Variants in RCOR1 observed in about 807,000 individuals in gnomAD.
RCOR1 encodes REST corepressor.
Under a neutral mutation model 64.0 loss-of-function variants are expected in RCOR1, and 12 were observed. That is an observed-to-expected ratio of 0.19 (90% confidence interval 0.12 to 0.30). The LOEUF is 0.30. RCOR1 is among the 10% of genes least tolerant of loss of function. The pLI is 1.00. For synonymous variants in RCOR1, 279 were observed against 227.2 expected (o/e 1.23, Z -2.05); for missense variants, 502 against 621.2 (o/e 0.81, Z 2.04).
chr14:102,611,119 G>T (rs924668448), intron 2 of RCOR1, among the ~76,000 whole-genome samples: 25 of 152,050 alleles, frequency 1.6e-4, no homozygotes, highest in African/African-American at 6.0e-4. Context: ...GCCCAGACTG[G>T]AGTGGAATGG....
chr14:102,637,237 C>G (rs1039044791), intron 2 of RCOR1, among the ~76,000 whole-genome samples: 172 of 151,426 alleles, frequency 1.1e-3, no homozygotes, highest in African/African-American at 3.8e-3. Flanking sequence ...AGCGATTCTC[C>G]TGCCTCAGCC....
At chr14:102,606,627 G>GTT (rs1307882389) in intron 2 of RCOR1, among the ~76,000 whole-genome samples, 29 of 139,362 alleles carry the variant, frequency 2.1e-4, no homozygotes, top group South Asian at 2.3e-4. Flanking sequence ...CAGGTTTTAA[G>GTT]TTTTTTTTTT....
chr14:102,697,425 A>G (rs1595235351), intron 3 of RCOR1, among the ~76,000 whole-genome samples: 1 of 152,286 alleles, frequency 6.6e-6, no homozygotes, highest in South Asian at 2.1e-4. Flanking sequence ...GGGACAGGAA[A>G]CCTCATATGT....
chr14:102,701,279 G>A lies in RCOR1; in HGVS notation c.447G>A (p.Leu149=). The A allele has an allele frequency of 6.2e-7, 1 of 1,612,474 alleles. No individual in the cohort carries two copies. The highest frequency in any genetic ancestry group is 2.2e-5 in the East Asian group (1 of 44,820). The stretch of plus-strand genomic sequence containing the variant: ...ATGGCATCTCTTCTTGTTTTTCAGT[G>A]GATGAATACATTGCCATTGCCAAAG... ...SPNQNLSEAK[L]DEYIAIAKEK... is the part of the protein sequence containing the mutation. Residue 149 remains leucine (L), a splice_region_variant and synonymous_variant, in exon 4 of 12, where the codon TTG becomes TTA. Coordinates refer to ENST00000262241, the MANE Select transcript of RCOR1 (RefSeq NM_015156.4).
At chr14:102,718,782 G>T (rs1045461149) in intron 8 of RCOR1, among the ~76,000 whole-genome samples, 2 of 152,046 alleles carry the variant, frequency 1.3e-5, no homozygotes, top group African/African-American at 4.8e-5. Flanking sequence ...TTTGGCGGGG[G>T]GAAGGGGGCG....
intron 2 of RCOR1, 118 bp downstream of exon 2, chr14:102,593,443 C>T (rs898779565): frequency 1.8e-6 from 2 of 1,096,418 alleles, no homozygotes; most frequent in Non-Finnish European, 2.4e-6. Context: ...GCCCTGCCGT[C>T]CGTGGGGAGA....
chr14:102,635,361 G>T (rs541091821), intron 2 of RCOR1, among the ~76,000 whole-genome samples: 1 of 152,026 alleles, frequency 6.6e-6, no homozygotes, highest in Non-Finnish European at 1.5e-5. Flanking sequence ...AAAAGTAGCC[G>T]GGTGTCATGG....
At chr14:102,695,291 A>G (rs1895620924) in intron 3 of RCOR1, 1 of 152,250 alleles carries the variant, frequency 6.6e-6, no homozygotes, top group African/African-American at 2.4e-5. Context: ...TAGATACAGT[A>G]TGTTGATTAG....
chr14:102,644,828 C>G (rs538119753), intron 2 of RCOR1, among the ~76,000 whole-genome samples: 13 of 152,316 alleles, frequency 8.5e-5, no homozygotes, highest in South Asian at 4.1e-4. Context: ...GTTACCAATT[C>G]CTTGATTTGG....
intron 2 of RCOR1, among the ~76,000 whole-genome samples, chr14:102,670,815 C>A (rs1895019376): frequency 6.6e-6 from 1 of 151,170 alleles, no homozygotes; most frequent in Non-Finnish European, 1.5e-5. Context: ...CTCTTGTCGC[C>A]CAGGCTGGAG....
chr14:102,627,671 AC>A (rs1193776896), intron 2 of RCOR1, among the ~76,000 whole-genome samples: 34 of 148,226 alleles, frequency 2.3e-4, no homozygotes, highest in African/African-American at 6.6e-4. Flanking sequence ...AAAAAAAAAA[AC>A]ACACACACAC....
chr14:102,679,669 G>A (rs970934216), intron 2 of RCOR1, among the ~76,000 whole-genome samples: 3 of 151,992 alleles, frequency 2.0e-5, no homozygotes, highest in Non-Finnish European at 2.9e-5. Flanking sequence ...TAGTATAGAC[G>A]GGGTTTCATC....
chr14:102,712,807 T>C (rs936848134), intron 7 of RCOR1, among the ~76,000 whole-genome samples: 1 of 152,174 alleles, frequency 6.6e-6, no homozygotes, highest in South Asian at 2.1e-4. Context: ...GTAGTTTTTA[T>C]TAAGCTTTGT....
At chr14:102,653,920 C>CCTCT (rs1894646785) in intron 2 of RCOR1, among the ~76,000 whole-genome samples, 4 of 98,924 alleles carry the variant, frequency 4.0e-5, no homozygotes, top group South Asian at 4.0e-4. Flanking sequence ...CAGGTATTTC[C>CCTCT]TTCTTTCTTT....
intron 2 of RCOR1, among the ~76,000 whole-genome samples, chr14:102,635,930 A>T (rs974465212): frequency 6.6e-6 from 1 of 152,098 alleles, no homozygotes; most frequent in Non-Finnish European, 1.5e-5. Flanking sequence ...AGTGAGAAAC[A>T]TAAAAGTTTC....
intron 2 of RCOR1, among the ~76,000 whole-genome samples, chr14:102,600,310 C>G (rs1300381321): frequency 6.7e-6 from 1 of 149,368 alleles, no homozygotes; most frequent in Admixed American, 6.7e-5. Context: ...CTCCTGACCT[C>G]GTGATCCGCC....
At chr14:102,630,105 G>A (rs1595202275) in intron 2 of RCOR1, 1 of 515,094 alleles carries the variant, frequency 1.9e-6, no homozygotes, top group African/African-American at 2.1e-5. Flanking sequence ...TGTTGGAGGT[G>A]GGCCCTAATG....
intron 2 of RCOR1, among the ~76,000 whole-genome samples, chr14:102,593,578 A>G (rs1446947377): frequency 6.6e-6 from 1 of 152,170 alleles, no homozygotes; most frequent in East Asian, 1.9e-4. Flanking sequence ...GCCTCCGAGG[A>G]CTGCGGGTGG....
In RCOR1 at chr14:102,681,899, A is replaced by G. The variant is rs1238646102; in HGVS notation, c.366A>G (p.Lys122=). ...TTCTTTTTTCTTTCTCCCAAGCCAAACTGGCAAGACGCAGTCAAGAACGGG... is the reference window on the plus strand; with the variant it reads ...TTCTTTTTTCTTTCTCCCAAGCCAAGCTGGCAAGACGCAGTCAAGAACGGG... ...QAVVPDFDPA[K]LARRSQERDN... is the part of the protein sequence containing the mutation. The change falls in exon 3 of 12, where the codon AAA becomes AAG. Residue 122 remains lysine (K), a synonymous_variant. Transcript: ENST00000262241. 1 of 1,612,898 alleles carries G rather than the reference A, an allele frequency of 6.2e-7. No homozygotes were observed. Among genetic ancestry groups the G allele is most frequent in the South Asian group, 1.1e-5 (1 of 90,918 alleles).
Sources: allele counts gnomAD v4.1 joint callset (sites outside exome capture counted in the v4.1 genomes callset), GRCh38; gene constraint gnomAD v4.1.1; transcripts MANE v1.5; gene names NCBI Gene and HGNC (gene_info 2026-07-23, HGNC 2026-07-21).